The following CALR variants were observed in gnomAD, a reference collection of about 807,000 sequenced individuals.
CALR encodes the protein calreticulin, also known as CRP55.
CALR carries 15 observed loss-of-function variants against 51.1 expected under a neutral mutation model. The ratio of observed to expected loss-of-function variants is 0.29; its 90% CI spans 0.20 to 0.45. The LOEUF (loss-of-function observed/expected upper bound fraction) is 0.45. Ranked by LOEUF, CALR falls within the 20% of genes least tolerant of loss-of-function variation. CALR has a pLI of 1.00. For missense variants in CALR, 477 were observed against 530.6 expected, an observed-to-expected ratio of 0.90 and a Z score of 0.99; for synonymous variants, 239 against 205.9, an observed-to-expected ratio of 1.16 and a Z score of -1.38.
chr19:12,941,466 ATTTTT>A (rs61272402), intron 7 of CALR, among the ~76,000 whole-genome samples: 2 of 87,030 alleles, frequency 2.3e-5, no homozygotes, highest in Non-Finnish European at 2.2e-5. Context: ...TGCCAGGCTA[ATTTTT>A]TTTTTTTTTT....
At chr19:12,941,375 GCC>G (rs1971543955) in intron 7 of CALR, among the ~76,000 whole-genome samples, 1 of 151,806 alleles carries the variant, frequency 6.6e-6, no homozygotes, top group African/African-American at 2.4e-5. Context: ...AGCTCACTGC[GCC>G]CTCCGTCTCC....
rs1680232676 is a variant in CALR at position 12,939,150 on chromosome 19, C to T, written c.108C>T (p.Arg36=). Residue 36 remains arginine (R), a synonymous_variant, in exon 2 of 9, where the codon CGC becomes CGT. Coordinates refer to ENST00000316448, the MANE Select transcript of CALR (RefSeq NM_004343.4). The stretch of plus-strand genomic sequence containing the variant: ...CCCACTTAGACGGGTGGACTTCCCG[C>T]TGGATCGAATCCAAACACAAGTCAG... ...QFLDGDGWTS[R]WIESKHKSDF... 1 of 1,608,038 alleles carries T rather than the reference C, an allele frequency of 6.2e-7. No individual in the cohort carries two copies. The highest frequency in any genetic ancestry group is 8.5e-7 in the Non-Finnish European group (1 of 1,177,038).
rs548980168 is a variant in CALR, at chr19:12,940,733, C to T, written c.817-11C>T. ...CTTACTCACCCTTCGGTTTCCTTCT[C>T]CCTTCTGCAGGGTGAGTGGAAGCCC... On this transcript the variant is annotated splice_polypyrimidine_tract_variant and intron_variant, in intron 6 of 8. Coordinates refer to ENST00000316448, the MANE Select transcript of CALR (RefSeq NM_004343.4). 6.2e-7 allele frequency: 1 copy of T among 1,614,166 alleles called. No homozygotes were observed. The highest frequency in any genetic ancestry group is 1.3e-5 in the African/African-American group (1 of 75,044).
intron 7 of CALR, 108 bp downstream of exon 7, chr19:12,940,995 G>A (rs920647079): frequency 1.1e-5 from 11 of 1,040,904 alleles, no homozygotes; most frequent in Non-Finnish European, 1.7e-5. Flanking sequence ...ACTCAAAAAT[G>A]GTACTTCTTG....
chr19:12,940,996 G>A, intron 7 of CALR, 109 bp downstream of exon 7: 1 of 1,019,402 alleles, frequency 9.8e-7, no homozygotes, highest in East Asian at 2.4e-5. Flanking sequence ...CTCAAAAATG[G>A]TACTTCTTGT....
intron 7 of CALR, 85 bp from the exon 8 acceptor site, chr19:12,943,452 G>C (rs1417426378): frequency 2.6e-6 from 3 of 1,148,672 alleles, no homozygotes; most frequent in Admixed American, 1.7e-5. Flanking sequence ...AGAATATAGT[G>C]GTTATAGGAA....
At chr19:12,942,190 C>T (rs1389916053) in intron 7 of CALR, among the ~76,000 whole-genome samples, 1 of 151,778 alleles carries the variant, frequency 6.6e-6, no homozygotes, top group Non-Finnish European at 1.5e-5. Flanking sequence ...AATGAAACCC[C>T]ATCTCTAGTA....
At chr19:12,943,509 C>T (rs757734236) in intron 7 of CALR, 28 bp from the exon 8 acceptor site, 1 of 1,605,518 alleles carries the variant, frequency 6.2e-7, no homozygotes, top group Non-Finnish European at 8.5e-7. Context: ...GGTATCACCT[C>T]TGACCATCCT....
Position 12,940,831 on chromosome 19 carries a change from G to C in CALR, c.904G>C (p.Asp302His). 2 of 1,613,988 alleles carry C rather than the reference G, an allele frequency of 1.2e-6. No individual in the cohort carries two copies. Among genetic ancestry groups the C allele is most frequent in the Non-Finnish European group, 8.5e-7 (1 of 1,179,940 alleles). ...AATTGACAACCCCGAGTATTCTCCC[G>C]ATCCCAGTATCTATGCCTATGATAA... is the stretch of plus-strand genomic sequence containing the variant. ...PEIDNPEYSP[D>H]PSIYAYDNFG... Residue 302 changes from aspartate to histidine, a missense_variant, in exon 7 of 9, where the codon GAT becomes CAT. Asp to His is a moderately conservative substitution (Grantham distance 81, BLOSUM62 -1). Transcript: ENST00000316448.
At position 12,944,030 on chromosome 19, in the gene CALR, A is replaced by G; in HGVS notation, c.*117A>G. On this transcript the variant is annotated 3_prime_UTR_variant, in exon 9 of 9. Coordinates refer to ENST00000316448, the MANE Select transcript of CALR (RefSeq NM_004343.4). ...TTCATTTTTTTCCAGGCTGGTTCGG[A>G]TTTGGGGTGGATTTTGGTTTTGTTC... 1 of 1,518,388 alleles carries G rather than the reference A, an allele frequency of 6.6e-7. No individual in the cohort carries two copies. Among genetic ancestry groups the G allele is most frequent in the East Asian group, 2.5e-5 (1 of 40,130 alleles). 94.1% of individuals were successfully genotyped at this position (1,518,388 alleles called of 1,614,324 possible).
chr19:12,943,607 A>T lies in CALR; in HGVS notation c.1031A>T (p.Asn344Ile). 1 of 1,614,112 alleles carries T rather than the reference A, an allele frequency of 6.2e-7. No homozygotes were observed. Among genetic ancestry groups the T allele is most frequent in the Non-Finnish European group, 8.5e-7 (1 of 1,180,006 alleles). Residue 344 changes from asparagine (N) to isoleucine (I), a missense_variant, in exon 8 of 9, where the codon AAC becomes ATC. Asn to Ile is a moderately radical substitution (Grantham distance 149, BLOSUM62 -3). Coordinates refer to ENST00000316448, the MANE Select transcript of CALR (RefSeq NM_004343.4). The stretch of plus-strand genomic sequence containing the variant: ...GAGGCATACGCTGAGGAGTTTGGCA[A>T]CGAGACGTGGGGCGTAACAAAGGTG... The part of the protein sequence containing the change: ...NDEAYAEEFG[N>I]ETWGVTKAAE...
At chr19:12,942,384 C>G (rs566174139) in intron 7 of CALR, among the ~76,000 whole-genome samples, 1 of 151,370 alleles carries the variant, frequency 6.6e-6, no homozygotes, top group East Asian at 2.0e-4. Context: ...AATGCTGGGA[C>G]TGAATTTTTG....
intron 2 of CALR, 84 bp downstream of exon 2, chr19:12,939,319 C>G: frequency 1.4e-6 from 2 of 1,441,056 alleles, no homozygotes; most frequent in Admixed American, 3.7e-5. Flanking sequence ...CGGGACAGTC[C>G]CCTTGGAGGA....
chr19:12,940,319 A>G lies in CALR; in HGVS notation c.569A>G (p.Gln190Arg). 6.2e-7 allele frequency: 1 copy of G among 1,614,190 alleles called. No individual in the cohort carries two copies. The highest frequency in any genetic ancestry group is 8.5e-7 in the Non-Finnish European group (1 of 1,180,008). Residue 190 changes from glutamine (Q) to arginine (R), a missense_variant, in exon 5 of 9, where the codon CAG becomes CGG. By Grantham distance (43) the Gln-to-Arg change is conservative. Coordinates refer to ENST00000316448, the MANE Select transcript of CALR (RefSeq NM_004343.4). ...TATGAGGTGAAGATTGACAACAGCC[A>G]GGTGGAGTCCGGCTCCTTGGAAGAC... is the stretch of plus-strand genomic sequence containing the variant. ...NTYEVKIDNS[Q>R]VESGSLEDDW...
At chr19:12,942,813 A>T (rs1971566925) in intron 7 of CALR, among the ~76,000 whole-genome samples, 1 of 147,916 alleles carries the variant, frequency 6.8e-6, no homozygotes, top group Non-Finnish European at 1.5e-5. Flanking sequence ...GAGTGCAATG[A>T]TGCAATCTCG....
At position 12,944,311 on chromosome 19, in the gene CALR, T is replaced by A. The variant is rs1315684912; in HGVS notation, c.*398T>A. ...CCCAGAGGAGGGCAGCAGAAGGGGG[T>A]GGTGTCTCCAACCCCCCAGCACTGA... On this transcript the variant is annotated 3_prime_UTR_variant, in exon 9 of 9. Transcript: ENST00000316448. 2.7e-6 allele frequency: 1 copy of A among 374,676 alleles called. No individual in the cohort carries two copies. Among genetic ancestry groups the A allele is most frequent in the African/African-American group, 2.1e-5 (1 of 48,392 alleles). 23.2% of individuals were successfully genotyped at this position (374,676 alleles called of 1,614,324 possible). A position where few individuals can be genotyped will look rare whatever the true frequency, so the allele number is the denominator to read the frequency against.
intron 1 of CALR, 52 bp from the exon 2 acceptor site, chr19:12,939,082 G>A (rs1273164364): frequency 9.9e-7 from 1 of 1,014,250 alleles, no homozygotes; most frequent in East Asian, 2.5e-5. Context: ...TGTTTGGTGT[G>A]GGGGGGGATT....
Position 12,939,505 on chromosome 19 carries a change from C to T in CALR, c.271C>T (p.Leu91=), listed in dbSNP as rs995168455. Residue 91 remains leucine, a synonymous_variant, in exon 3 of 9, where the codon CTG becomes TTG. Coordinates refer to ENST00000316448, the MANE Select transcript of CALR (RefSeq NM_004343.4). ...FEPFSNKGQT[L]VVQFTVKHEQ... is the part of the protein sequence containing the mutation. ...GCCTTTCAGCAACAAAGGCCAGACG[C>T]TGGTGGTGCAGTTCACGGTGAAACA... is the stretch of plus-strand genomic sequence containing the variant. 1.2e-6 allele frequency: 2 copies of T among 1,613,220 alleles called. No individual in the cohort carries two copies. Among genetic ancestry groups the T allele is most frequent in the African/African-American group, 1.3e-5 (1 of 74,918 alleles).
At position 12,943,643 on chromosome 19, in the gene CALR, C is replaced by G. The variant is rs777758586; in HGVS notation, c.1053+14C>G. On this transcript the variant is annotated intron_variant, in intron 8 of 8. Transcript: ENST00000316448. ...GGCGTAACAAAGGTGAGGCCTGGTC[C>G]TGGTCCTGATGTCGGGGGCGGGCAG... 6.2e-7 allele frequency: 1 copy of G among 1,614,112 alleles called. No homozygotes were observed. The highest frequency in any genetic ancestry group is 1.1e-5 in the South Asian group (1 of 91,074).
Sources: allele counts gnomAD v4.1 joint callset (sites outside exome capture counted in the v4.1 genomes callset), GRCh38; gene constraint gnomAD v4.1.1; transcripts MANE v1.5; gene names NCBI Gene and HGNC (gene_info 2026-07-23, HGNC 2026-07-21).